Variants in KAT7 observed in about 807,000 individuals in gnomAD.
KAT7 encodes histone acetyltransferase KAT7.
In KAT7, 10 loss-of-function variants were observed where a neutral mutation model predicts 82.1. That is an observed-to-expected ratio of 0.12 (90% confidence interval 0.08 to 0.21). The LOEUF is 0.21. Ranked by LOEUF, KAT7 falls within the 10% of genes least tolerant of loss-of-function variation. The pLI is 1.00. For synonymous variants in KAT7, 250 were observed against 262.5 expected (o/e 0.95, Z 0.46); for missense variants, 378 against 760.9 (o/e 0.50, Z 5.92).
chr17:49,788,975 C>T (rs995815198), intron 1 of KAT7, 126 bp downstream of exon 1: 4 of 888,078 alleles, frequency 4.5e-6, no homozygotes, highest in African/African-American at 3.5e-5. Flanking sequence ...TGTTCAGCTA[C>T]CCTCTCTTCT....
chr17:49,789,877 G>A (rs986961406), intron 1 of KAT7: 6 of 152,084 alleles, frequency 3.9e-5, no homozygotes, highest in African/African-American at 1.5e-4. Context: ...TACAATGGGA[G>A]ATATATTGGT....
In KAT7 at chr17:49,812,050, T is replaced by C. The variant is rs552493453; in HGVS notation, c.852+476T>C. ...CATTTTTTTCTAACTTTAGAAGTAA[T>C]GTACATTTGTAAGAGAATTTAGAGT... On this transcript the variant is annotated intron_variant, in intron 7 of 14. Transcript: ENST00000259021. Among the ~76,000 whole-genome samples the C allele has an allele frequency of 2.1e-3, 313 of 152,310 alleles. 2 individuals carry two copies. The highest frequency in any genetic ancestry group is 3.9e-3 in the Non-Finnish European group (266 of 68,024).
chr17:49,828,724 A>G lies in KAT7; in HGVS notation c.*1222A>G, dbSNP rs2074396805. 1 of 152,968 alleles carries G rather than the reference A, an allele frequency of 6.5e-6. No individual in the cohort carries two copies. The highest frequency in any genetic ancestry group is 2.1e-4 in the South Asian group (1 of 4,830). The allele number at this position is 152,968 out of a possible 1,614,324, so 9.5% of individuals were successfully genotyped here. A position where few individuals can be genotyped will look rare whatever the true frequency, so the allele number is the denominator to read the frequency against. ...GAGATGTTCCCTCTAATTTCTCTCT[A>G]GCCCATTATAACCTGCTATCTTGGG... On this transcript the variant is annotated 3_prime_UTR_variant, in exon 15 of 15. Coordinates refer to ENST00000259021, the MANE Select transcript of KAT7 (RefSeq NM_007067.5).
At chr17:49,801,217 C>T (rs902542941) in intron 4 of KAT7, among the ~76,000 whole-genome samples, 2 of 152,330 alleles carry the variant, frequency 1.3e-5, no homozygotes, top group African/African-American at 4.8e-5. Context: ...CAGAGTCTCA[C>T]TCTATAATTA....
At position 49,815,886 on chromosome 17, in the gene KAT7, A is replaced by G; in HGVS notation, c.936A>G (p.Arg312=). 6.2e-7 allele frequency: 1 copy of G among 1,613,586 alleles called. No individual in the cohort carries two copies. The highest frequency in any genetic ancestry group is 8.5e-7 in the Non-Finnish European group (1 of 1,179,524). ...TSEYDLDLFR[R]AQARASEDLE... ...AGTATGACTTGGATCTTTTCCGAAGAGCACAAGCCCGGGCTTCAGAGGATT... is the reference window on the plus strand; with the variant it reads ...AGTATGACTTGGATCTTTTCCGAAGGGCACAAGCCCGGGCTTCAGAGGATT... Residue 312 remains arginine, a synonymous_variant, in exon 8 of 15, where the codon AGA becomes AGG. Coordinates refer to ENST00000259021, the MANE Select transcript of KAT7 (RefSeq NM_007067.5).
intron 7 of KAT7, chr17:49,815,184 C>G (rs1258707520): frequency 1.3e-5 from 2 of 152,098 alleles, no homozygotes; most frequent in African/African-American, 4.8e-5. Flanking sequence ...TTTAGAGAGT[C>G]CAGCCTATTT....
rs545981026 is a variant in KAT7 at position 49,796,898 on chromosome 17, T to C, written c.312T>C (p.Thr104=). The C allele has an allele frequency of 6.2e-7, 1 of 1,614,128 alleles. No individual in the cohort carries two copies. Among genetic ancestry groups the C allele is most frequent in the East Asian group, 2.2e-5 (1 of 44,890 alleles). ...LRQTRSSGSE[T]EQVVDFSDRE... The stretch of plus-strand genomic sequence containing the variant: ...AGACTCGTTCATCTGGTTCAGAAAC[T>C]GAGCAAGTGGTTGATTTTTCAGATA... The change falls in exon 3 of 15, where the codon ACT becomes ACC. Residue 104 remains threonine, a synonymous_variant. Coordinates refer to ENST00000259021, the MANE Select transcript of KAT7 (RefSeq NM_007067.5).
intron 4 of KAT7, 147 bp downstream of exon 4, chr17:49,798,705 T>G: frequency 1.4e-6 from 1 of 726,422 alleles, no homozygotes; most frequent in East Asian, 2.7e-5. Context: ...CTCACTTGAA[T>G]AAAAGCATTT....
intron 4 of KAT7, among the ~76,000 whole-genome samples, chr17:49,804,594 T>TGGG (rs1208225455): frequency 6.6e-6 from 1 of 151,888 alleles, no homozygotes; most frequent in Non-Finnish European, 1.5e-5. Flanking sequence ...TGGGCAACAC[T>TGGG]GAGACCCGTT....
intron 9 of KAT7, among the ~76,000 whole-genome samples, chr17:49,818,565 T>G (rs1013740876): frequency 6.6e-6 from 1 of 152,156 alleles, no homozygotes; most frequent in Admixed American, 6.5e-5. Context: ...GAGTTGAATC[T>G]GTTATTGTTG....
Position 49,815,921 on chromosome 17 carries a change from T to C in KAT7, c.963+8T>C, listed in dbSNP as rs938711194. The C allele has an allele frequency of 1.3e-6, 2 of 1,564,046 alleles. No homozygotes were observed. The highest frequency in any genetic ancestry group is 1.8e-6 in the Non-Finnish European group (2 of 1,134,792). ...CGGGCTTCAGAGGATTTGGTGAGTA[T>C]TAAAACCTCCAAACTGAAGGCCGCT... On this transcript the variant is annotated splice_region_variant and intron_variant, in intron 8 of 14. Transcript: ENST00000259021.
At chr17:49,791,856 G>T (rs760342765) in intron 1 of KAT7, 30 bp from the exon 2 acceptor site, 1 of 1,608,214 alleles carries the variant, frequency 6.2e-7, no homozygotes, top group African/African-American at 1.3e-5. Context: ...AAATGCTTCT[G>T]TGCTAATATC....
intron 8 of KAT7, 51 bp from the exon 9 acceptor site, chr17:49,817,764 AAAAGC>A: frequency 6.8e-7 from 1 of 1,472,482 alleles, no homozygotes; most frequent in South Asian, 1.2e-5. Flanking sequence ...TGCCCTGTCT[AAAAGC>A]AAAGATAATA....
chr17:49,806,247 TTAGATTCCC>T (rs541573611), intron 5 of KAT7, among the ~76,000 whole-genome samples: 335 of 152,314 alleles, frequency 2.2e-3, no homozygotes, highest in Non-Finnish European at 3.7e-3. Context: ...GTGAGGAAAA[TTAGATTCCC>T]TAGCTAACAT....
chr17:49,832,609 T>A lies in KAT7; in HGVS notation c.*5107T>A, dbSNP rs1365874927. ...CCCAGTGAGACAGCAGGAATCCTTTTACCATACAACCCTCAACTAGTTTAG... is the reference window on the plus strand; with the variant it reads ...CCCAGTGAGACAGCAGGAATCCTTTAACCATACAACCCTCAACTAGTTTAG... On this transcript the variant is annotated 3_prime_UTR_variant, in exon 15 of 15. Coordinates refer to ENST00000259021, the MANE Select transcript of KAT7 (RefSeq NM_007067.5). The A allele has an allele frequency of 6.6e-6, 1 of 152,220 alleles. No individual in the cohort carries two copies. Among genetic ancestry groups the A allele is most frequent in the East Asian group, 1.9e-4 (1 of 5,204 alleles). 9.4% of individuals were successfully genotyped at this position (152,220 alleles called of 1,614,324 possible). A position where few individuals can be genotyped will look rare whatever the true frequency, so the allele number is the denominator to read the frequency against.
chr17:49,812,740 A>G (rs2143933400), intron 7 of KAT7, among the ~76,000 whole-genome samples: 1 of 151,528 alleles, frequency 6.6e-6, no homozygotes, highest in East Asian at 2.0e-4. Flanking sequence ...CCAAGGCTGA[A>G]GGCTGGAGGC....
rs1039366895 is a variant in KAT7 at position 49,805,461 on chromosome 17, T to G, written c.663+16T>G. On this transcript the variant is annotated intron_variant, in intron 5 of 14. Coordinates refer to ENST00000259021, the MANE Select transcript of KAT7 (RefSeq NM_007067.5). ...CGAATGCAAGGTAATTGTGCTCTCA[T>G]TTATTCAACACATGCTTATTGAGTG... 6.3e-7 allele frequency: 1 copy of G among 1,575,822 alleles called. No homozygotes were observed. The highest frequency in any genetic ancestry group is 1.3e-5 in the African/African-American group (1 of 74,220).
At position 49,798,468 on chromosome 17, in the gene KAT7, A is replaced by C. The variant is rs752068659; in HGVS notation, c.490A>C (p.Ser164Arg). The change falls in exon 4 of 15, where the codon AGT becomes CGT. Residue 164 changes from serine to arginine, a missense_variant. Ser to Arg is a moderately radical substitution (Grantham distance 110). Coordinates refer to ENST00000259021, the MANE Select transcript of KAT7 (RefSeq NM_007067.5). ...AKDMSLKDSGSDLSHRPKRRR... is the reference protein window; with the variant it reads ...AKDMSLKDSGRDLSHRPKRRR... ...GGACATGTCCCTGAAGGACTCAGGC[A>C]GTGATCTCTCTCATCGCCCCAAGCG... 12 of 1,614,234 alleles carry C rather than the reference A, an allele frequency of 7.4e-6. No individual in the cohort carries two copies. In the South Asian group the frequency reaches 1.2e-4, roughly 16 times the overall value.
chr17:49,795,989 G>A lies in KAT7; in HGVS notation c.164-761G>A, dbSNP rs965671358. ...AACATGTCTCTTTATAAAAAAAAAA[G>A]CACAAAAAAACTAAAACATATCTAC... On this transcript the variant is annotated intron_variant, in intron 2 of 14. Coordinates refer to ENST00000259021, the MANE Select transcript of KAT7 (RefSeq NM_007067.5). 2.0e-5 allele frequency among the ~76,000 whole-genome samples: 3 copies of A among 151,214 alleles called. No homozygotes were observed. The East Asian group carries it at 5.8e-4, about 29-fold the overall frequency.
Sources: allele counts gnomAD v4.1 joint callset (sites outside exome capture counted in the v4.1 genomes callset), GRCh38; gene constraint gnomAD v4.1.1; transcripts MANE v1.5; gene names NCBI Gene and HGNC (gene_info 2026-07-23, HGNC 2026-07-21).